Variants in CAMSAP3 observed in about 807,000 individuals in gnomAD.
CAMSAP3 encodes calmodulin-regulated spectrin-associated protein 3.
CAMSAP3 carries 34 observed loss-of-function variants against 112.5 expected under a neutral mutation model. The observed-to-expected ratio is 0.30, with a 90% CI of 0.23 to 0.40. CAMSAP3 has a LOEUF of 0.40. Ranked by LOEUF, CAMSAP3 falls within the 10% of genes least tolerant of loss-of-function variation. The pLI is 1.00. For synonymous variants in CAMSAP3, 868 were observed against 799.8 expected, an observed-to-expected ratio of 1.09 and a Z score of -1.44; for missense variants, 1,602 against 1,770.3, an observed-to-expected ratio of 0.90 and a Z score of 1.71.
intron 4 of CAMSAP3, chr19:7,606,829 C>T: frequency 1.9e-6 from 3 of 1,613,090 alleles, no homozygotes; most frequent in Non-Finnish European, 1.7e-6. Context: ...GCTGTCTGTC[C>T]GCCCCGTCTG....
At chr19:7,608,090 G>A in intron 4 of CAMSAP3, 36 bp from the exon 5 acceptor site, 1 of 1,597,384 alleles carries the variant, frequency 6.3e-7, no homozygotes, top group Non-Finnish European at 8.5e-7. Flanking sequence ...CTGGGGGCCA[G>A]CCTGGCCACT....
chr19:7,617,383 G>A lies in CAMSAP3; in HGVS notation c.3270G>A (p.Arg1090=). The A allele has an allele frequency of 6.2e-7, 1 of 1,614,132 alleles. No homozygotes were observed. The highest frequency in any genetic ancestry group is 8.5e-7 in the Non-Finnish European group (1 of 1,180,016). ...SPSRLPGSRE[R]DWENGSNASS... ...GCCGCCTGCCTGGAAGCCGCGAACG[G>A]GACTGGGAAAATGGCAGCAATGCCT... The change falls in exon 15 of 17, where the codon CGG becomes CGA. Residue 1090 remains arginine (R), a synonymous_variant. Coordinates refer to ENST00000160298, the MANE Select transcript of CAMSAP3 (RefSeq NM_020902.2). This position sits in a 1 kb window ranked among gnomAD's most constrained non-coding sequence, Gnocchi z 7.5.
chr19:7,606,548 G>T lies in CAMSAP3; in HGVS notation c.598G>T (p.Gly200Trp). 6.5e-7 allele frequency: 1 copy of T among 1,545,138 alleles called. No individual in the cohort carries two copies. Among genetic ancestry groups the T allele is most frequent in the South Asian group, 1.2e-5 (1 of 85,454 alleles). ...AGCCTCTCCAGCAGCCCCTGCAGACGGGGCGGCCCCGGCGCAGCCCTCGGT... is the reference window on the plus strand; with the variant it reads ...AGCCTCTCCAGCAGCCCCTGCAGACTGGGCGGCCCCGGCGCAGCCCTCGGT... ...QRASPAAPAD[G>W]AAPAQPSIRY... The change falls in exon 4 of 17, where the codon GGG (glycine) becomes TGG (tryptophan). Residue 200 changes from glycine to tryptophan, a missense_variant. This residue lies in a region of CAMSAP3 where 112 missense variants were observed against 94.2 expected (regional missense o/e 1.19). Coordinates refer to ENST00000160298, the MANE Select transcript of CAMSAP3 (RefSeq NM_020902.2).
chr19:7,597,532 T>C (rs560745299), intron 1 of CAMSAP3, among the ~76,000 whole-genome samples: 12 of 152,300 alleles, frequency 7.9e-5, no homozygotes, highest in African/African-American at 2.4e-4. Context: ...CACAGACTTA[T>C]CTGTTTTGCG....
In CAMSAP3 at chr19:7,596,114, C is replaced by A; in HGVS notation, c.112C>A (p.Leu38Met). The change falls in exon 1 of 17, where the codon CTG becomes ATG. Residue 38 changes from leucine to methionine, a missense_variant. Around this residue, in one of 6 missense-constraint regions of CAMSAP3, gnomAD observed 147 missense variants for 144.6 expected, o/e 1.02. Coordinates refer to ENST00000160298, the MANE Select transcript of CAMSAP3 (RefSeq NM_020902.2). Reference sequence around the variant, plus strand: ...CTCGCGGGCCAAGGCGGCGGCCAGCCTGGCGTGGGTGCTGCGGGCCGCGTT... The same window carrying A: ...CTCGCGGGCCAAGGCGGCGGCCAGCATGGCGTGGGTGCTGCGGGCCGCGTT... Reference protein sequence around the residue: ...DFSRAKAAASLAWVLRAAFGG... With the variant: ...DFSRAKAAASMAWVLRAAFGG... The A allele has an allele frequency of 8.4e-7, 1 of 1,193,788 alleles. No homozygotes were observed. Among genetic ancestry groups the A allele is most frequent in the Non-Finnish European group, 1.1e-6 (1 of 936,868 alleles). The allele number at this position is 1,193,788 out of a possible 1,614,324, so 73.9% of individuals were successfully genotyped here.
At position 7,615,117 on chromosome 19, in the gene CAMSAP3, G is replaced by T. The variant is rs62113426; in HGVS notation, c.2671-66G>T. ...GTGGGTGGCGGGCAGGCTGGGTGGAGGGAAGATGGGCCTCCAGCCATGTTG... is the reference window on the plus strand; with the variant it reads ...GTGGGTGGCGGGCAGGCTGGGTGGATGGAAGATGGGCCTCCAGCCATGTTG... On this transcript the variant is annotated intron_variant, in intron 11 of 16. Coordinates refer to ENST00000160298, the MANE Select transcript of CAMSAP3 (RefSeq NM_020902.2). This position sits in a 1 kb window ranked among gnomAD's most constrained non-coding sequence, Gnocchi z 6.5. The T allele has an allele frequency of 0.018, 27,262 of 1,541,748 alleles. 278 individuals are homozygous for T. The highest frequency in any genetic ancestry group is 0.021 in the Non-Finnish European group (23,947 of 1,139,458).
intron 4 of CAMSAP3, chr19:7,606,901 C>T: frequency 7.3e-7 from 1 of 1,377,094 alleles, no homozygotes; most frequent in Non-Finnish European, 1.0e-6. Context: ...TCTGCGCGCC[C>T]TCTCATACCT....
chr19:7,609,348 G>C (rs893195980), intron 5 of CAMSAP3, among the ~76,000 whole-genome samples: 2 of 150,618 alleles, frequency 1.3e-5, no homozygotes, highest in African/African-American at 2.4e-5. Context: ...ATAAAATAGA[G>C]ATGGGGTCTT....
rs369045221 is a variant in CAMSAP3 at position 7,617,736 on chromosome 19, C to G, written c.3445-16C>G. 2.6e-5 allele frequency: 42 copies of G among 1,611,838 alleles called. No individual in the cohort carries two copies. The highest frequency in any genetic ancestry group is 1.3e-4 in the Admixed American group (8 of 59,972). On this transcript the variant is annotated splice_polypyrimidine_tract_variant and intron_variant, in intron 16 of 16. Coordinates refer to ENST00000160298, the MANE Select transcript of CAMSAP3 (RefSeq NM_020902.2). The surrounding 1 kb of genome is among the most constrained non-coding windows in gnomAD (Gnocchi z 7.5). ...CCTGACTTGGCCAGCTGACCATTTCCAGCACTCCTGCCCAGGAAATTGAGA... is the reference window on the plus strand; with the variant it reads ...CCTGACTTGGCCAGCTGACCATTTCGAGCACTCCTGCCCAGGAAATTGAGA...
chr19:7,603,132 C>T (rs2146159693), intron 1 of CAMSAP3, among the ~76,000 whole-genome samples: 1 of 152,014 alleles, frequency 6.6e-6, no homozygotes, highest in East Asian at 1.9e-4. Context: ...CCTGGGTCCT[C>T]ACAGGTGGAG....
intron 11 of CAMSAP3, chr19:7,614,799 C>T (rs1206113145): frequency 1.3e-5 from 4 of 308,260 alleles, no homozygotes; most frequent in African/African-American, 8.7e-5. Flanking sequence ...TGTACGCCCA[C>T]CTAGTTAAAT....
rs911229889 is a variant in CAMSAP3, at chr19:7,617,256, G to A, written c.3213-70G>A. 1.8e-6 allele frequency: 2 copies of A among 1,090,882 alleles called. No individual in the cohort carries two copies. The highest frequency in any genetic ancestry group is 1.5e-5 in the African/African-American group (1 of 64,884). The allele number at this position is 1,090,882 out of a possible 1,614,324, so 67.6% of individuals were successfully genotyped here. ...CCTTGGCCCCTCTGCACATAGGGAA[G>A]CTTCCCATCTCTGACCCCACCTCCA... On this transcript the variant is annotated intron_variant, in intron 14 of 16. Coordinates refer to ENST00000160298, the MANE Select transcript of CAMSAP3 (RefSeq NM_020902.2). This position sits in a 1 kb window ranked among gnomAD's most constrained non-coding sequence, Gnocchi z 7.5.
At chr19:7,600,724 A>C (rs1599343575) in intron 1 of CAMSAP3, among the ~76,000 whole-genome samples, 1 of 9,554 alleles carries the variant, frequency 1.0e-4, no homozygotes. Flanking sequence ...CCTTCCATCC[A>C]CCCATCCATC....
chr19:7,614,416 G>A lies in CAMSAP3; in HGVS notation c.2671-767G>A, dbSNP rs112895310. 2.9e-3 allele frequency among the ~76,000 whole-genome samples: 440 copies of A among 149,784 alleles called. 4 individuals are homozygous for A. Among genetic ancestry groups the A allele is most frequent in the African/African-American group, 0.01 (414 of 40,710 alleles). The stretch of plus-strand genomic sequence containing the variant: ...GGCTGGAGTGCAGTGGCATGATCTC[G>A]GTTCACTGCAACCTCCACCTCCTGG... On this transcript the variant is annotated intron_variant, in intron 11 of 16. Transcript: ENST00000160298.
rs2030579943 is a variant in CAMSAP3 at position 7,612,884 on chromosome 19, G to A, written c.2391G>A (p.Val797=). 1 of 1,607,456 alleles carries A rather than the reference G, an allele frequency of 6.2e-7. No homozygotes were observed. Among genetic ancestry groups the A allele is most frequent in the Non-Finnish European group, 8.5e-7 (1 of 1,178,584 alleles). The change falls in exon 11 of 17, where the codon GTG becomes GTA. Residue 797 remains valine (V), a synonymous_variant. Coordinates refer to ENST00000160298, the MANE Select transcript of CAMSAP3 (RefSeq NM_020902.2). ...TGCGGCTGGCACCCTTGACCAGGGT[G>A]CTTACGCCACCCCACGACGTAGACA... ...AELRLAPLTR[V]LTPPHDVDSL... is the part of the protein sequence containing the mutation.
intron 1 of CAMSAP3, among the ~76,000 whole-genome samples, chr19:7,598,344 C>T (rs1155716): frequency 0.42 from 64,334 of 151,698 alleles, 14,621 homozygotes; most frequent in South Asian, 0.6. Context: ...CCCGGGGTGG[C>T]GGTGGGAGAT....
chr19:7,604,740 C>T (rs966077486), intron 1 of CAMSAP3, among the ~76,000 whole-genome samples: 1 of 152,146 alleles, frequency 6.6e-6, no homozygotes, highest in Non-Finnish European at 1.5e-5. Flanking sequence ...AGGGACTTTC[C>T]TTCTCTGTGC....
At chr19:7,599,419 T>C (rs1599339248) in intron 1 of CAMSAP3, among the ~76,000 whole-genome samples, 1 of 116,904 alleles carries the variant, frequency 8.6e-6, no homozygotes. Context: ...CATCCATCCA[T>C]CCATCCACCC....
chr19:7,598,867 G>A (rs186724940), intron 1 of CAMSAP3, among the ~76,000 whole-genome samples: 16 of 152,232 alleles, frequency 1.1e-4, no homozygotes, highest in Admixed American at 5.9e-4. Context: ...GATGTGTGAT[G>A]TGTGAGGGAA....
Sources: gnomAD v4.1 joint callset for allele counts (sites outside exome capture counted in the v4.1 genomes callset) on GRCh38, gnomAD v4.1.1 for gene constraint, gnomAD v4.1.1 regional missense constraint, Gnocchi (gnomAD v3.1) non-coding constraint, MANE v1.5 for transcripts, NCBI Gene and HGNC (gene_info 2026-07-23, HGNC 2026-07-21) for gene names.